Variants in CTNNA2 observed in about 807,000 individuals in gnomAD.
CTNNA2 encodes catenin alpha-2.
A neutral mutation model predicts 101.0 loss-of-function variants in CTNNA2; 42 were observed. That is an observed-to-expected ratio of 0.42 (90% CI 0.32 to 0.54). The LOEUF is 0.54. CTNNA2 is among the 20% of genes least tolerant of loss of function. The pLI is 0.14. For synonymous variants in CTNNA2, 450 were observed against 456.4 expected (o/e 0.99, Z 0.18); for missense variants, 871 against 1,223.1 (o/e 0.71, Z 4.29).
At chr2:79,733,306 T>C (rs1299209628) in intron 2 of CTNNA2, among the ~76,000 whole-genome samples, 1 of 152,132 alleles carries the variant, frequency 6.6e-6, no homozygotes, top group Non-Finnish European at 1.5e-5. Flanking sequence ...TATTTTAACT[T>C]CTCAGCTCTG....
intron 2 of CTNNA2, among the ~76,000 whole-genome samples, chr2:79,291,264 G>T (rs904010264): frequency 1.3e-4 from 20 of 152,206 alleles, no homozygotes; most frequent in South Asian, 2.1e-4. Flanking sequence ...CTATGCTAAA[G>T]TATTTTAAAG....
At chr2:80,275,790 G>A (rs909817667) in intron 7 of CTNNA2, among the ~76,000 whole-genome samples, 1 of 152,092 alleles carries the variant, frequency 6.6e-6, no homozygotes. Flanking sequence ...TAGCACTCAA[G>A]CAAAACTAAT....
chr2:80,161,199 A>T (rs965545271), intron 7 of CTNNA2, among the ~76,000 whole-genome samples: 4 of 152,156 alleles, frequency 2.6e-5, no homozygotes, highest in Admixed American at 6.6e-5. Flanking sequence ...TACTTTTAGT[A>T]GAGACAGGGT....
chr2:79,205,029 C>T (rs181861088), intron 2 of CTNNA2, among the ~76,000 whole-genome samples: 1 of 152,342 alleles, frequency 6.6e-6, no homozygotes, highest in Non-Finnish European at 1.5e-5. Context: ...TAGTTTTTCT[C>T]TCTTGAATAT....
At chr2:80,150,942 C>T (rs1473464017) in intron 7 of CTNNA2, among the ~76,000 whole-genome samples, 1 of 152,196 alleles carries the variant, frequency 6.6e-6, no homozygotes, top group Non-Finnish European at 1.5e-5. Context: ...GAACCAGTCT[C>T]CCATCACTTT....
chr2:79,901,214 T>G (rs994993090), intron 6 of CTNNA2, among the ~76,000 whole-genome samples: 1 of 131,962 alleles, frequency 7.6e-6, no homozygotes, highest in African/African-American at 2.7e-5. Context: ...CTCTTTCAGT[T>G]TTTTTTTTTT....
intron 3 of CTNNA2, among the ~76,000 whole-genome samples, chr2:79,771,691 G>A (rs72912717): frequency 0.15 from 23,104 of 152,134 alleles, 1,814 homozygotes; most frequent in African/African-American, 0.19. Context: ...GAGCTCAGGC[G>A]GTAATGCCAG....
chr2:80,405,722 G>T (rs1359143212), intron 8 of CTNNA2, among the ~76,000 whole-genome samples: 1 of 152,124 alleles, frequency 6.6e-6, no homozygotes, highest in African/African-American at 2.4e-5. Flanking sequence ...TAGCAGACTT[G>T]CCTGGTGCAT....
chr2:80,276,842 A>T (rs909368357), intron 7 of CTNNA2, among the ~76,000 whole-genome samples: 1 of 152,108 alleles, frequency 6.6e-6, no homozygotes, highest in African/African-American at 2.4e-5. Flanking sequence ...CAGACTCCAA[A>T]ATTGGGGATC....
chr2:80,478,550 T>A (rs1371600225), intron 9 of CTNNA2, among the ~76,000 whole-genome samples: 1 of 152,170 alleles, frequency 6.6e-6, no homozygotes, highest in Non-Finnish European at 1.5e-5. Flanking sequence ...TTAACACATC[T>A]TGAGTTAATT....
intron 6 of CTNNA2, among the ~76,000 whole-genome samples, chr2:79,876,205 A>G (rs1185601269): frequency 6.6e-6 from 1 of 152,144 alleles, no homozygotes; most frequent in Non-Finnish European, 1.5e-5. Context: ...CAGAGGAGTG[A>G]TAAAGGATTT....
At chr2:80,346,410 T>C (rs910202825) in intron 7 of CTNNA2, among the ~76,000 whole-genome samples, 3 of 152,120 alleles carry the variant, frequency 2.0e-5, no homozygotes, top group Non-Finnish European at 2.9e-5. Flanking sequence ...GACCAGATCT[T>C]GTGTGAACTC....
chr2:79,762,442 C>T (rs1194162717), intron 3 of CTNNA2, among the ~76,000 whole-genome samples: 2 of 152,146 alleles, frequency 1.3e-5, no homozygotes, highest in Non-Finnish European at 2.9e-5. Flanking sequence ...GGAAACAGAT[C>T]ATGACATTGC....
intron 7 of CTNNA2, among the ~76,000 whole-genome samples, chr2:80,104,284 T>C (rs1429391967): frequency 6.6e-6 from 1 of 152,206 alleles, no homozygotes; most frequent in East Asian, 1.9e-4. Context: ...TTATGCTTTC[T>C]CCTATCCCTC....
At chr2:79,217,442 T>C (rs892268599) in intron 2 of CTNNA2, among the ~76,000 whole-genome samples, 2 of 151,728 alleles carry the variant, frequency 1.3e-5, no homozygotes, top group Admixed American at 1.3e-4. Context: ...GGCCGTTTTA[T>C]AAGATTTGGG....
intron 7 of CTNNA2, among the ~76,000 whole-genome samples, chr2:79,964,245 C>A (rs953213229): frequency 6.6e-6 from 1 of 152,128 alleles, no homozygotes; most frequent in African/African-American, 2.4e-5. Flanking sequence ...AGAATCTTTA[C>A]AGTTATTTCA....
At chr2:80,422,659 A>G (rs2149411546) in intron 9 of CTNNA2, among the ~76,000 whole-genome samples, 1 of 152,348 alleles carries the variant, frequency 6.6e-6, no homozygotes, top group African/African-American at 2.4e-5. Context: ...GAATAACTAT[A>G]GAATTGTATC....
At chr2:80,638,467 G>T (rs1673101892) in intron 18 of CTNNA2, among the ~76,000 whole-genome samples, 1 of 152,282 alleles carries the variant, frequency 6.6e-6, no homozygotes, top group Admixed American at 6.5e-5. Context: ...GTGCTGAAAG[G>T]AAGGCAAGGA....
chr2:79,763,234 G>C (rs1019822412), intron 3 of CTNNA2, among the ~76,000 whole-genome samples: 1 of 152,088 alleles, frequency 6.6e-6, no homozygotes, highest in Non-Finnish European at 1.5e-5. Context: ...AACTAAACCA[G>C]TTATTCCAGA....
Sources: allele counts gnomAD v4.1 joint callset (sites outside exome capture counted in the v4.1 genomes callset), GRCh38; gene constraint gnomAD v4.1.1; transcripts MANE v1.5; gene names NCBI Gene and HGNC (gene_info 2026-07-23, HGNC 2026-07-21).